The following FOCAD variants were observed in gnomAD, a reference collection of about 807,000 sequenced individuals.
The protein encoded by FOCAD is KIAA1797.
In FOCAD, 198 loss-of-function variants were observed where a neutral mutation model predicts 225.6. The observed-to-expected ratio is 0.88, with a 90% CI of 0.78 to 0.99. FOCAD has a LOEUF of 0.99. Among genes scored for constraint, FOCAD ranks in the 50% least tolerant of loss-of-function variants. The pLI, the probability that FOCAD is intolerant of heterozygous loss-of-function variation, is 0.00. For missense variants in FOCAD, 2,713 were observed against 2,123.6 expected (o/e 1.28, Z -5.46); for synonymous variants, 897 against 755.0 (o/e 1.19, Z -3.08).
intron 9 of FOCAD, among the ~76,000 whole-genome samples, chr9:20,778,994 T>A (rs1299498604): frequency 6.6e-6 from 1 of 152,240 alleles, no homozygotes; most frequent in African/African-American, 2.4e-5. Context: ...GAGGTTATAA[T>A]CTAACCTTAT....
intron 43 of FOCAD, among the ~76,000 whole-genome samples, chr9:20,994,842 C>G (rs1841938998): frequency 6.6e-6 from 1 of 152,122 alleles, no homozygotes; most frequent in Non-Finnish European, 1.5e-5. Context: ...GCCAAGGAAG[C>G]TCATATTCAC....
chr9:20,734,089 AG>A (rs1211517189), intron 4 of FOCAD, among the ~76,000 whole-genome samples: 1 of 152,246 alleles, frequency 6.6e-6, no homozygotes, highest in African/African-American at 2.4e-5. Flanking sequence ...ACAAAATAAA[AG>A]TTGTGCAAAC....
intron 24 of FOCAD, among the ~76,000 whole-genome samples, chr9:20,919,786 CCTTACA>C (rs1834219321): frequency 6.6e-6 from 1 of 152,112 alleles, no homozygotes; most frequent in South Asian, 2.1e-4. Context: ...TGGATCCCTT[CCTTACA>C]CCTTATACGA....
At chr9:20,906,512 A>G (rs773286016) in intron 21 of FOCAD, among the ~76,000 whole-genome samples, 1 of 152,108 alleles carries the variant, frequency 6.6e-6, no homozygotes, top group Non-Finnish European at 1.5e-5. Flanking sequence ...AGAAACAGAA[A>G]TGACTATGAG....
intron 21 of FOCAD, among the ~76,000 whole-genome samples, chr9:20,890,052 T>G (rs1831483657): frequency 6.6e-6 from 1 of 152,166 alleles, no homozygotes; most frequent in South Asian, 2.1e-4. Flanking sequence ...ATGACCTTAC[T>G]AAACCAACTT....
chr9:20,756,559 C>G (rs1352136613), intron 5 of FOCAD, among the ~76,000 whole-genome samples: 6 of 152,156 alleles, frequency 3.9e-5, no homozygotes, highest in Non-Finnish European at 8.8e-5. Flanking sequence ...TCTAAGATAA[C>G]AGACCTGGGC....
At chr9:20,756,139 G>C (rs1403745377) in intron 5 of FOCAD, among the ~76,000 whole-genome samples, 1 of 152,200 alleles carries the variant, frequency 6.6e-6, no homozygotes, top group Admixed American at 6.5e-5. Context: ...TGGGAAACAT[G>C]AATGATTTTG....
intron 15 of FOCAD, among the ~76,000 whole-genome samples, chr9:20,833,647 G>A (rs192505349): frequency 1.3e-5 from 2 of 152,070 alleles, no homozygotes; most frequent in Non-Finnish European, 2.9e-5. Flanking sequence ...GTAGTCCTTC[G>A]AAGTGTGTCC....
intron 11 of FOCAD, among the ~76,000 whole-genome samples, chr9:20,819,594 G>A (rs953510059): frequency 5.9e-5 from 9 of 152,130 alleles, no homozygotes; most frequent in African/African-American, 1.9e-4. Flanking sequence ...TTCGATTGGT[G>A]TTTGGCAGCT....
intron 21 of FOCAD, among the ~76,000 whole-genome samples, chr9:20,892,977 G>C (rs747496446): frequency 3.3e-5 from 5 of 151,952 alleles, no homozygotes; most frequent in Non-Finnish European, 5.9e-5. Context: ...AGTTGCCAAA[G>C]ATTTATATAA....
At chr9:20,964,906 G>A (rs1358682160) in intron 35 of FOCAD, among the ~76,000 whole-genome samples, 1 of 152,154 alleles carries the variant, frequency 6.6e-6, no homozygotes, top group Non-Finnish European at 1.5e-5. Context: ...ATACCTGTTG[G>A]CAGGAGGGAG....
intron 35 of FOCAD, among the ~76,000 whole-genome samples, chr9:20,972,394 A>T (rs1382395130): frequency 1.3e-5 from 2 of 151,938 alleles, no homozygotes; most frequent in East Asian, 3.9e-4. Context: ...TTTCCTTCTG[A>T]TTAGTGATAT....
At chr9:20,758,667 C>T (rs1363318210) in intron 6 of FOCAD, among the ~76,000 whole-genome samples, 1 of 152,068 alleles carries the variant, frequency 6.6e-6, no homozygotes, top group African/African-American at 2.4e-5. Flanking sequence ...TTTCCAGTTA[C>T]ATTCATGTCC....
chr9:20,740,893 G>A (rs555828300), intron 5 of FOCAD, among the ~76,000 whole-genome samples: 2 of 152,114 alleles, frequency 1.3e-5, no homozygotes, highest in Non-Finnish European at 2.9e-5. Flanking sequence ...ATTTTCTGGG[G>A]GAGTTGTGGT....
intron 8 of FOCAD, among the ~76,000 whole-genome samples, chr9:20,773,549 C>A (rs1037431566): frequency 6.6e-6 from 1 of 152,172 alleles, no homozygotes; most frequent in Non-Finnish European, 1.5e-5. Flanking sequence ...AGGTTTCTAG[C>A]CACCACAGAA....
upstream of FOCAD, chr9:20,684,133 C>A (rs1018055556): frequency 6.6e-6 from 1 of 152,294 alleles, no homozygotes; most frequent in Non-Finnish European, 1.5e-5. Context: ...CGCGTGCGCG[C>A]GAGCCGGGGA....
At chr9:20,762,865 C>A (rs1216260500) in intron 6 of FOCAD, among the ~76,000 whole-genome samples, 1 of 152,092 alleles carries the variant, frequency 6.6e-6, no homozygotes, top group Admixed American at 6.6e-5. Flanking sequence ...TTGTTCCCAC[C>A]TTCATGTCTG....
chr9:20,852,686 A>G (rs1481622910), intron 15 of FOCAD, among the ~76,000 whole-genome samples: 5 of 151,838 alleles, frequency 3.3e-5, no homozygotes, highest in Non-Finnish European at 2.9e-5. Flanking sequence ...TGCCTAATTC[A>G]TCAATTTTTT....
chr9:20,682,477 G>A (rs929556360), upstream of FOCAD, among the ~76,000 whole-genome samples: 31 of 152,312 alleles, frequency 2.0e-4, no homozygotes, highest in African/African-American at 6.7e-4. Context: ...TTTATAAAAT[G>A]TGGGTAATAA....
Sources: allele counts gnomAD v4.1 joint callset (sites outside exome capture counted in the v4.1 genomes callset), GRCh38; gene constraint gnomAD v4.1.1; transcripts MANE v1.5; gene names NCBI Gene and HGNC (gene_info 2026-07-23, HGNC 2026-07-21).